The following TRPC5 variants were observed in gnomAD, a reference collection of about 807,000 sequenced individuals.
The protein encoded by TRPC5 is short transient receptor potential channel 5.
In TRPC5, 9 loss-of-function variants were observed where a neutral mutation model predicts 56.5. The ratio of observed to expected loss-of-function variants is 0.16; its 90% confidence interval spans 0.10 to 0.28. The LOEUF (loss-of-function observed/expected upper bound fraction) is 0.28. TRPC5 is among the 10% of genes least tolerant of loss of function. TRPC5 has a pLI of 1.00. For missense variants in TRPC5, 469 were observed against 748.9 expected (o/e 0.63, Z 4.36); for synonymous variants, 282 against 278.5 (o/e 1.01, Z -0.13).
At chrX:111,968,016 C>T (rs1444368439) in intron 1 of TRPC5, among the ~76,000 whole-genome samples, 6 of 110,464 alleles carry the variant, frequency 5.4e-5, no homozygotes, top group Non-Finnish European at 1.9e-5. Context: ...CAAAAGAAAC[C>T]ACCATCAGAG....
At chrX:112,031,462 T>C (rs1386520383) in intron 1 of TRPC5, among the ~76,000 whole-genome samples, 4 of 111,907 alleles carry the variant, frequency 3.6e-5, no homozygotes, top group African/African-American at 1.3e-4. Flanking sequence ...CTGTTTCCAA[T>C]TTCTGCACCT....
intron 1 of TRPC5, among the ~76,000 whole-genome samples, chrX:112,017,762 C>T (rs1016133230): frequency 2.7e-5 from 3 of 111,882 alleles, no homozygotes; most frequent in African/African-American, 9.7e-5. Context: ...GCACATTCAT[C>T]TTCTTGCACT....
At chrX:111,924,617 G>A (rs1045001560) in intron 2 of TRPC5, among the ~76,000 whole-genome samples, 1 of 112,091 alleles carries the variant, frequency 8.9e-6, no homozygotes, top group Non-Finnish European at 1.9e-5. Context: ...TGGTTGCTTT[G>A]TTCATATGTA....
intron 1 of TRPC5, among the ~76,000 whole-genome samples, chrX:112,071,596 A>G (rs1320314518): frequency 8.9e-6 from 1 of 112,399 alleles, no homozygotes; most frequent in Non-Finnish European, 1.9e-5. Flanking sequence ...CTGCCATTGT[A>G]GTAGGAAAGC....
At chrX:111,996,758 T>C (rs1404807923) in intron 1 of TRPC5, among the ~76,000 whole-genome samples, 1 of 112,146 alleles carries the variant, frequency 8.9e-6, no homozygotes. Flanking sequence ...CTTTTGATCT[T>C]TGTTGGTTTA....
chrX:111,849,747 A>G (rs1281169906), intron 5 of TRPC5, among the ~76,000 whole-genome samples: 3 of 112,170 alleles, frequency 2.7e-5, no homozygotes, highest in African/African-American at 9.7e-5. Flanking sequence ...ATTTTTTAAA[A>G]GGTTGAGCAC....
intron 2 of TRPC5, among the ~76,000 whole-genome samples, chrX:111,944,303 T>TGTGTGAGAGA (rs1173179815): frequency 8.1e-5 from 5 of 61,392 alleles, no homozygotes; most frequent in Non-Finnish European, 1.4e-4. Flanking sequence ...TGTGTGTGTG[T>TGTGTGAGAGA]GAGAGAGAGA....
chrX:112,017,224 A>T (rs1399361825), intron 1 of TRPC5, among the ~76,000 whole-genome samples: 1 of 110,969 alleles, frequency 9.0e-6, no homozygotes, highest in East Asian at 2.9e-4. Flanking sequence ...CATGTTGGCC[A>T]GGATGGTCTT....
Position 111,776,868 on chromosome X carries a change from C to A in TRPC5, c.2367G>T (p.Gly789=), listed in dbSNP as rs141761268. The A allele has an allele frequency of 2.1e-4, 251 of 1,209,794 alleles. 1 individual carries two copies. The African/African-American group carries it at 3.8e-3, about 18-fold the overall frequency. The change falls in exon 11 of 11, where the codon GGG becomes GGT. Residue 789 remains glycine (G), a synonymous_variant. Coordinates refer to ENST00000262839, the MANE Select transcript of TRPC5 (RefSeq NM_012471.3). ...QRDDNNDGSG[G]ARAKSKSVSF... is the part of the protein sequence containing the mutation. The stretch of plus-strand genomic sequence containing the variant: ...AGACACTCTTGGATTTGGCCCGAGC[C>A]CCACCACTGCCATCATTATTATCGT...
At chrX:111,854,389 C>T (rs1328216608) in intron 3 of TRPC5, among the ~76,000 whole-genome samples, 1 of 111,637 alleles carries the variant, frequency 9.0e-6, no homozygotes, top group Non-Finnish European at 1.9e-5. Context: ...ATTGTCCCTC[C>T]CACCTTGTCA....
intron 6 of TRPC5, among the ~76,000 whole-genome samples, chrX:111,840,603 T>C (rs1003543100): frequency 2.7e-5 from 3 of 111,810 alleles, no homozygotes; most frequent in Non-Finnish European, 3.8e-5. Flanking sequence ...GTCTATAAAG[T>C]AGAGACTATT....
chrX:111,842,682 C>A (rs1384812778), intron 6 of TRPC5, among the ~76,000 whole-genome samples: 7 of 112,108 alleles, frequency 6.2e-5, no homozygotes, highest in African/African-American at 2.3e-4. Context: ...CTCAGAAAGA[C>A]TTCAACACCT....
intron 3 of TRPC5, among the ~76,000 whole-genome samples, chrX:111,899,220 G>A (rs1477951085): frequency 9.0e-6 from 1 of 110,592 alleles, no homozygotes; most frequent in Non-Finnish European, 1.9e-5. Context: ...AAAAGTGACT[G>A]AGTCCCCCGC....
At chrX:111,806,000 T>G (rs762346030) in intron 7 of TRPC5, among the ~76,000 whole-genome samples, 1 of 107,867 alleles carries the variant, frequency 9.3e-6, no homozygotes, top group Non-Finnish European at 1.9e-5. Context: ...CTCTGTAGTT[T>G]TGGTAAAATT....
At chrX:111,825,173 TTCTTTCTTTCTTTCTTTCTTTC>T (rs1198491788) in intron 7 of TRPC5, among the ~76,000 whole-genome samples, 31 of 82,623 alleles carry the variant, frequency 3.8e-4, no homozygotes, top group African/African-American at 1.6e-3. Context: ...CTTTCTTTCT[TTCTTTCTTTCTTTCTTTCTTTC>T]TTTCTTTCTT....
At chrX:111,884,823 A>G (rs192280997) in intron 3 of TRPC5, among the ~76,000 whole-genome samples, 5 of 113,060 alleles carry the variant, frequency 4.4e-5, no homozygotes, top group Admixed American at 9.3e-5. Context: ...TCTAGGGCAT[A>G]AGTCTAGAGG....
chrX:111,931,149 TAAA>T (rs1194699723), intron 2 of TRPC5: 1 of 107,072 alleles, frequency 9.3e-6, no homozygotes, highest in Non-Finnish European at 1.9e-5. Context: ...GAACATTTGT[TAAA>T]AAAAAAAGTC....
At chrX:111,919,936 C>T (rs1482958132) in intron 2 of TRPC5, among the ~76,000 whole-genome samples, 1 of 112,228 alleles carries the variant, frequency 8.9e-6, no homozygotes, top group African/African-American at 3.2e-5. Context: ...TTAGAACATA[C>T]TAGGTTCTCA....
intron 1 of TRPC5, among the ~76,000 whole-genome samples, chrX:112,015,954 A>G (rs1165221673): frequency 1.8e-5 from 2 of 111,747 alleles, no homozygotes; most frequent in Non-Finnish European, 3.8e-5. Flanking sequence ...GTATTTAAAG[A>G]GAGTTGTTGT....
Sources: gnomAD v4.1 joint callset for allele counts (sites outside exome capture counted in the v4.1 genomes callset) on GRCh38, gnomAD v4.1.1 for gene constraint, MANE v1.5 for transcripts, NCBI Gene and HGNC (gene_info 2026-07-23, HGNC 2026-07-21) for gene names.